AKAP6: variants seen among roughly 807,000 people sequenced by gnomAD.
AKAP6 encodes A-kinase anchor protein 6.
In AKAP6, 58 loss-of-function variants were observed where a neutral mutation model predicts 188.5. The observed-to-expected ratio is 0.31, with a 90% CI of 0.25 to 0.38. The LOEUF (loss-of-function observed/expected upper bound fraction) is 0.38, where lower values mean the gene tolerates loss of function less well. AKAP6 is among the 10% of genes least tolerant of loss of function. The pLI is 1.00. For missense variants in AKAP6, 2,710 were observed against 2,740.0 expected (o/e 0.99, Z 0.24); for synonymous variants, 989 against 998.6 (o/e 0.99, Z 0.18).
rs2034883123 is a variant in AKAP6, at chr14:32,837,120, C to T, written c.*7315C>T. On this transcript the variant is annotated 3_prime_UTR_variant, in exon 14 of 14. Coordinates refer to ENST00000280979, the MANE Select transcript of AKAP6 (RefSeq NM_004274.5). ...GTTTTAGACTGTACCATTGCTCTTT[C>T]TCCCTTCTTTATTCATTTTATATGG... The T allele has an allele frequency of 6.6e-6, 1 of 152,184 alleles. No individual in the cohort carries two copies. Among genetic ancestry groups the T allele is most frequent in the Admixed American group, 6.5e-5 (1 of 15,282 alleles). The allele number at this position is 152,184 out of a possible 1,614,324, so 9.4% of individuals were successfully genotyped here. A position where few individuals can be genotyped will look rare whatever the true frequency, so the allele number is the denominator to read the frequency against.
Position 32,374,263 on chromosome 14 carries a change from G to T in AKAP6, c.-35+44855G>T, listed in dbSNP as rs1250805986. Reference sequence around the variant, plus strand: ...TAAGTATTAATCACAGCTCAACACGGTAAGTGCTACAATGCAATTGAGAGA... The same window carrying T: ...TAAGTATTAATCACAGCTCAACACGTTAAGTGCTACAATGCAATTGAGAGA... On this transcript the variant is annotated intron_variant, in intron 1 of 13. Coordinates refer to ENST00000280979, the MANE Select transcript of AKAP6 (RefSeq NM_004274.5). 2.0e-5 allele frequency among the ~76,000 whole-genome samples: 3 copies of T among 152,204 alleles called. 1 individual carries two copies. Among genetic ancestry groups the T allele is most frequent in the Non-Finnish European group, 4.4e-5 (3 of 68,034 alleles).
At chr14:32,598,335 C>T (rs1200410004) in intron 5 of AKAP6, among the ~76,000 whole-genome samples, 3 of 152,106 alleles carry the variant, frequency 2.0e-5, no homozygotes, top group South Asian at 4.1e-4. Flanking sequence ...TCCATGCTTG[C>T]TCCAATTAGT....
intron 2 of AKAP6, among the ~76,000 whole-genome samples, chr14:32,471,070 C>T (rs1468434747): frequency 6.6e-6 from 1 of 152,224 alleles, no homozygotes. Flanking sequence ...AAATTTATAA[C>T]TATGATAAAC....
intron 7 of AKAP6, among the ~76,000 whole-genome samples, chr14:32,607,972 G>A (rs1410554452): frequency 1.3e-5 from 2 of 152,254 alleles, no homozygotes; most frequent in African/African-American, 4.8e-5. Flanking sequence ...AAACAAAAGT[G>A]AGTTACTTCT....
chr14:32,707,340 A>G (rs577513270), intron 9 of AKAP6, among the ~76,000 whole-genome samples: 16 of 152,206 alleles, frequency 1.1e-4, no homozygotes, highest in African/African-American at 3.1e-4. Context: ...GCACATTTCC[A>G]TGTTACAAAT....
chr14:32,525,781 G>A lies in AKAP6; in HGVS notation c.325-9773G>A, dbSNP rs543778000. Reference sequence around the variant, plus strand: ...CAAACATCCTTTGCATCTGTATGGCGGTGTCCTAACAGTGTGGCATTATAG... The same window carrying A: ...CAAACATCCTTTGCATCTGTATGGCAGTGTCCTAACAGTGTGGCATTATAG... On this transcript the variant is annotated intron_variant, in intron 2 of 13. Coordinates refer to ENST00000280979, the MANE Select transcript of AKAP6 (RefSeq NM_004274.5). Among the ~76,000 whole-genome samples, 29 of 152,150 alleles carry A rather than the reference G, an allele frequency of 1.9e-4. No individual in the cohort carries two copies. In the South Asian group the frequency reaches 2.5e-3, roughly 13 times the overall value.
At chr14:32,717,532 T>G (rs2030282865) in intron 9 of AKAP6, among the ~76,000 whole-genome samples, 1 of 151,956 alleles carries the variant, frequency 6.6e-6, no homozygotes. Flanking sequence ...TCTCCATGCA[T>G]CTATGCATCT....
intron 9 of AKAP6, among the ~76,000 whole-genome samples, chr14:32,711,342 T>C (rs1453398367): frequency 6.6e-6 from 1 of 152,086 alleles, no homozygotes; most frequent in Non-Finnish European, 1.5e-5. Flanking sequence ...ATACATTTCT[T>C]TCAACTGTGG....
intron 11 of AKAP6, among the ~76,000 whole-genome samples, chr14:32,745,146 T>G (rs4462503): frequency 0.81 from 122,506 of 152,002 alleles, 49,629 homozygotes; most frequent in East Asian, 1. Context: ...TTTCCTGGAA[T>G]GTGTTGATTC....
intron 1 of AKAP6, among the ~76,000 whole-genome samples, chr14:32,401,126 A>G (rs1015539887): frequency 1.3e-5 from 2 of 152,176 alleles, no homozygotes; most frequent in Non-Finnish European, 2.9e-5. Context: ...TCCTCGTGAG[A>G]ATGAAGCTAA....
At chr14:32,700,537 C>T (rs1352321507) in intron 9 of AKAP6, among the ~76,000 whole-genome samples, 1 of 152,122 alleles carries the variant, frequency 6.6e-6, no homozygotes, top group Non-Finnish European at 1.5e-5. Context: ...CTTTGAAGGA[C>T]TACATATGCA....
At chr14:32,600,873 C>A (rs910008452) in intron 7 of AKAP6, 81 bp downstream of exon 7, 9 of 1,357,490 alleles carry the variant, frequency 6.6e-6, no homozygotes, top group Non-Finnish European at 6.9e-6. Context: ...TTCTTTCCAA[C>A]CCTAAGGCTT....
At chr14:32,525,434 T>C (rs76637781) in intron 2 of AKAP6, among the ~76,000 whole-genome samples, 1,572 of 152,326 alleles carry the variant, frequency 0.01, 15 homozygotes, top group Middle Eastern at 0.024. Context: ...GAACTTCTAA[T>C]TGGTCCTTTC....
intron 7 of AKAP6, among the ~76,000 whole-genome samples, chr14:32,604,963 G>A (rs1886072125): frequency 6.6e-6 from 1 of 151,964 alleles, no homozygotes; most frequent in Non-Finnish European, 1.5e-5. Context: ...TTTTCCTGAT[G>A]CTCTCCCCGC....
At chr14:32,418,538 A>C (rs1284018341) in intron 1 of AKAP6, among the ~76,000 whole-genome samples, 1 of 152,174 alleles carries the variant, frequency 6.6e-6, no homozygotes, top group African/African-American at 2.4e-5. Flanking sequence ...ACCTATTATA[A>C]TGTTCAGCAT....
intron 2 of AKAP6, among the ~76,000 whole-genome samples, chr14:32,494,818 G>A (rs1268386137): frequency 6.6e-6 from 1 of 152,134 alleles, no homozygotes; most frequent in Admixed American, 6.5e-5. Flanking sequence ...TAAGCTCTCT[G>A]TGGGTTTTTA....
Position 32,710,749 on chromosome 14 carries a change from G to A in AKAP6, c.3000+14639G>A, listed in dbSNP as rs117446364. 2.0e-3 allele frequency among the ~76,000 whole-genome samples: 300 copies of A among 152,196 alleles called. 5 individuals are homozygous for A. The East Asian group carries it at 0.041, about 21-fold the overall frequency. On this transcript the variant is annotated intron_variant, in intron 9 of 13. Transcript: ENST00000280979. ...ATAATAACACCTACCTTGAAAGATT[G>A]TTGTTAGGATTCTATGAAGTAATGT...
At chr14:32,647,921 C>G (rs1888051311) in intron 7 of AKAP6, among the ~76,000 whole-genome samples, 1 of 152,058 alleles carries the variant, frequency 6.6e-6, no homozygotes, top group Admixed American at 6.6e-5. Flanking sequence ...TTCTCCATCA[C>G]AAGAGTATTC....
At chr14:32,524,258 G>C (rs944783626) in intron 2 of AKAP6, among the ~76,000 whole-genome samples, 7 of 152,108 alleles carry the variant, frequency 4.6e-5, no homozygotes, top group African/African-American at 1.7e-4. Flanking sequence ...AATGATTGCT[G>C]TGCAAATCAG....
Sources: allele counts gnomAD v4.1 joint callset (sites outside exome capture counted in the v4.1 genomes callset), GRCh38; gene constraint gnomAD v4.1.1; transcripts MANE v1.5; gene names NCBI Gene and HGNC (gene_info 2026-07-23, HGNC 2026-07-21).